The following PIP4K2A variants were observed in gnomAD, a reference collection of about 807,000 sequenced individuals.
PIP4K2A encodes phosphatidylinositol 5-phosphate 4-kinase type-2 alpha.
A neutral mutation model predicts 42.9 loss-of-function variants in PIP4K2A; 14 were observed. That is an observed-to-expected ratio of 0.33 (90% CI 0.22 to 0.51). PIP4K2A has a LOEUF of 0.51. Ranked by LOEUF, PIP4K2A falls within the 20% of genes least tolerant of loss-of-function variation. The pLI, the probability that PIP4K2A is intolerant of heterozygous loss-of-function variation, is 0.97. For synonymous variants in PIP4K2A, 192 were observed against 192.2 expected (o/e 1.00, Z 0.01); for missense variants, 434 against 519.8 (o/e 0.83, Z 1.61).
rs71394001 is a variant in PIP4K2A, at chr10:22,561,565, GTTTTTTTTTT to G, written c.678+6276_678+6285del. On this transcript the variant is annotated intron_variant, in intron 6 of 9. Transcript: ENST00000376573. ...TATGTCACCAGAGATTCTCTACGCA[GTTTTTTTTTT>G]TTTTTTTTTTTTTTTTCTGAGACAG... 2.9e-4 allele frequency among the ~76,000 whole-genome samples: 33 copies of G among 113,498 alleles called. 2 individuals are homozygous for G. The highest frequency in any genetic ancestry group is 1.1e-3 in the African/African-American group (32 of 28,354). 74.5% of individuals were successfully genotyped at this position (113,498 alleles called of 152,430 possible).
At chr10:22,587,496 T>C (rs534894465) in intron 4 of PIP4K2A, among the ~76,000 whole-genome samples, 24 of 152,288 alleles carry the variant, frequency 1.6e-4, no homozygotes, top group African/African-American at 5.8e-4. Context: ...ACCCTAAAAG[T>C]ACTCTAGGCC....
chr10:22,656,538 G>A (rs1839105168), intron 1 of PIP4K2A, among the ~76,000 whole-genome samples: 1 of 152,178 alleles, frequency 6.6e-6, no homozygotes, highest in African/African-American at 2.4e-5. Flanking sequence ...AAGGCACGGT[G>A]GTTCACACCT....
intron 1 of PIP4K2A, among the ~76,000 whole-genome samples, chr10:22,694,842 T>C (rs950531940): frequency 3.3e-5 from 5 of 152,240 alleles, no homozygotes; most frequent in South Asian, 2.1e-4. Context: ...TTTTCAACCC[T>C]CTTTATCCTT....
At chr10:22,596,156 G>A (rs1401161996) in intron 3 of PIP4K2A, among the ~76,000 whole-genome samples, 1 of 122,124 alleles carries the variant, frequency 8.2e-6, no homozygotes, top group Non-Finnish European at 1.6e-5. Context: ...AGTGAGCTGA[G>A]ATTGTGCCAT....
At chr10:22,583,531 G>T (rs542603333) in intron 4 of PIP4K2A, among the ~76,000 whole-genome samples, 2 of 152,138 alleles carry the variant, frequency 1.3e-5, no homozygotes, top group East Asian at 3.9e-4. Context: ...AGGGGTACAC[G>T]GACACTGAGG....
chr10:22,539,919 GAGAGAGAGAGAGGGAGAGAA>G, intron 9 of PIP4K2A, 32 bp downstream of exon 9: 8 of 964,326 alleles, frequency 8.3e-6, no homozygotes, highest in Non-Finnish European at 1.3e-5. Context: ...GAGGGAGAGA[GAGAGAGAGAGAGGGAGAGAA>G]AGAGAGAAGG....
chr10:22,646,576 A>G (rs1160461997), intron 1 of PIP4K2A, among the ~76,000 whole-genome samples: 1 of 152,178 alleles, frequency 6.6e-6, no homozygotes, highest in Non-Finnish European at 1.5e-5. Flanking sequence ...CACAAAAATC[A>G]AGACCACCCT....
At chr10:22,577,353 G>A (rs1420263825) in intron 4 of PIP4K2A, among the ~76,000 whole-genome samples, 1 of 152,144 alleles carries the variant, frequency 6.6e-6, no homozygotes, top group African/African-American at 2.4e-5. Flanking sequence ...AATGTTGGAG[G>A]TGGTGCTCGG....
At chr10:22,662,300 CTCT>C (rs768947508) in intron 1 of PIP4K2A, among the ~76,000 whole-genome samples, 25 of 152,360 alleles carry the variant, frequency 1.6e-4, no homozygotes, top group Middle Eastern at 6.8e-3. Flanking sequence ...ACTCCAACTC[CTCT>C]TCTTCTCCTT....
intron 3 of PIP4K2A, among the ~76,000 whole-genome samples, chr10:22,597,464 G>A (rs1302294279): frequency 6.6e-6 from 1 of 152,150 alleles, no homozygotes; most frequent in Non-Finnish European, 1.5e-5. Flanking sequence ...GGAGGTTCTT[G>A]TTTTCCTCCT....
intron 5 of PIP4K2A, chr10:22,568,905 C>A: frequency 1.3e-6 from 1 of 797,984 alleles, no homozygotes; most frequent in East Asian, 2.7e-5. Flanking sequence ...GCACTGGACA[C>A]CCCTAACTAT....
At chr10:22,605,843 TAA>T (rs5783801) in intron 3 of PIP4K2A, among the ~76,000 whole-genome samples, 423 of 146,034 alleles carry the variant, frequency 2.9e-3, no homozygotes, top group Admixed American at 3.2e-3. Context: ...TTAATTCCTT[TAA>T]AAAAAAAAAA....
chr10:22,594,118 C>G (rs1837570950), intron 3 of PIP4K2A, among the ~76,000 whole-genome samples: 1 of 152,138 alleles, frequency 6.6e-6, no homozygotes, highest in Non-Finnish European at 1.5e-5. Context: ...GATGCTGCTG[C>G]TGGAGTGGGT....
At chr10:22,598,717 G>A (rs185867241) in intron 3 of PIP4K2A, among the ~76,000 whole-genome samples, 1 of 152,218 alleles carries the variant, frequency 6.6e-6, no homozygotes, top group Admixed American at 6.5e-5. Flanking sequence ...CCCTTACTCT[G>A]TTATCTGATT....
chr10:22,590,373 G>C (rs1477314696), intron 4 of PIP4K2A, among the ~76,000 whole-genome samples: 1 of 152,176 alleles, frequency 6.6e-6, no homozygotes, highest in Non-Finnish European at 1.5e-5. Flanking sequence ...ATTTCTCCAA[G>C]TGACTTAGTT....
intron 1 of PIP4K2A, among the ~76,000 whole-genome samples, chr10:22,703,436 G>A (rs942106656): frequency 1.3e-4 from 20 of 151,940 alleles, no homozygotes; most frequent in Non-Finnish European, 2.4e-4. Flanking sequence ...AATAAAAGAG[G>A]GAAAAACATT....
chr10:22,542,380 G>C (rs569081626), intron 7 of PIP4K2A, among the ~76,000 whole-genome samples: 2 of 152,294 alleles, frequency 1.3e-5, no homozygotes, highest in East Asian at 3.9e-4. Context: ...GGGAGAGAGA[G>C]CAAGTTCCTC....
intron 4 of PIP4K2A, among the ~76,000 whole-genome samples, chr10:22,576,068 T>C (rs1346446343): frequency 6.6e-6 from 1 of 152,128 alleles, no homozygotes; most frequent in African/African-American, 2.4e-5. Context: ...GATATAAACA[T>C]GTACAAACCC....
intron 4 of PIP4K2A, among the ~76,000 whole-genome samples, chr10:22,578,537 G>A (rs1837176571): frequency 6.6e-6 from 1 of 152,108 alleles, no homozygotes; most frequent in African/African-American, 2.4e-5. Flanking sequence ...CATCTTTCCT[G>A]CTCTTTGGCC....
Sources: allele counts gnomAD v4.1 joint callset (sites outside exome capture counted in the v4.1 genomes callset), GRCh38; gene constraint gnomAD v4.1.1; transcripts MANE v1.5; gene names NCBI Gene and HGNC (gene_info 2026-07-23, HGNC 2026-07-21).